The following PCDH11X variants were observed in gnomAD, a reference collection of about 807,000 sequenced individuals.
PCDH11X encodes protocadherin 11 X-linked.
Under a neutral mutation model 53.3 loss-of-function variants are expected in PCDH11X, and 18 were observed. That is an observed-to-expected ratio of 0.34 (90% CI 0.23 to 0.50). PCDH11X has a LOEUF of 0.50. PCDH11X is among the 20% of genes least tolerant of loss of function. PCDH11X has a pLI of 0.98. For synonymous variants in PCDH11X, 279 were observed against 393.3 expected (o/e 0.71, Z 3.44); for missense variants, 570 against 1,032.4 (o/e 0.55, Z 6.14).
In PCDH11X at chrX:92,114,226, C is replaced by T. The variant is rs2064586487; in HGVS notation, c.3034-87149C>T. On this transcript the variant is annotated intron_variant, in intron 6 of 10. Transcript: ENST00000682573. ...GGCAAATGTGGCCATTTTCCCAGTCCCAGATCAGGCTTGAGCGATTACATT... is the reference window on the plus strand; with the variant it reads ...GGCAAATGTGGCCATTTTCCCAGTCTCAGATCAGGCTTGAGCGATTACATT... The T allele has an allele frequency of 1.8e-5, 19 of 1,034,911 alleles. No individual in the cohort carries two copies. In the Admixed American group the frequency reaches 3.9e-4, roughly 21 times the overall value. The allele number at this position is 1,034,911 out of a possible 1,213,427, so 85.3% of individuals were successfully genotyped here.
At chrX:92,553,098 A>G (rs1468728962) in intron 10 of PCDH11X, among the ~76,000 whole-genome samples, 1 of 106,978 alleles carries the variant, frequency 9.3e-6, no homozygotes, top group Admixed American at 1.0e-4. Context: ...AATGAATTTG[A>G]AAGTATTCCA....
intron 6 of PCDH11X, among the ~76,000 whole-genome samples, chrX:92,080,414 G>A (rs1472134031): frequency 9.0e-6 from 1 of 111,180 alleles, no homozygotes; most frequent in African/African-American, 3.3e-5. Flanking sequence ...TACTCGGAAT[G>A]TATAAAAATT....
intron 4 of PCDH11X, among the ~76,000 whole-genome samples, chrX:91,827,098 C>T (rs752688751): frequency 9.0e-6 from 1 of 111,617 alleles, no homozygotes; most frequent in South Asian, 3.8e-4. Flanking sequence ...AAAGTATTCT[C>T]TTTTGTCTGC....
At chrX:91,948,543 A>C (rs1450349255) in intron 6 of PCDH11X, among the ~76,000 whole-genome samples, 1 of 110,863 alleles carries the variant, frequency 9.0e-6, no homozygotes, top group Non-Finnish European at 1.9e-5. Context: ...TCTGTCCTAC[A>C]CTAAGATGTT....
At chrX:92,433,954 T>C (rs745501611) in intron 9 of PCDH11X, among the ~76,000 whole-genome samples, 28 of 110,254 alleles carry the variant, frequency 2.5e-4, no homozygotes, top group Non-Finnish European at 4.9e-4. Context: ...ATAAGCAGAA[T>C]ACCAAAAGCA....
rs776571703 is a variant in PCDH11X, at chrX:92,512,535, A to C, written c.3367+44213A>C. 6.3e-5 allele frequency among the ~76,000 whole-genome samples: 7 copies of C among 111,727 alleles called. No homozygotes were observed. In the South Asian group the frequency reaches 2.2e-3, roughly 35 times the overall value. ...GTTTCTCCTAAGAAGTAAATTATTT[A>C]GCTAGGAGGAAATTACTAGAAGGAT... On this transcript the variant is annotated intron_variant, in intron 10 of 10. Transcript: ENST00000682573.
At chrX:92,398,195 T>C (rs1308177569) in intron 9 of PCDH11X, among the ~76,000 whole-genome samples, 1 of 111,295 alleles carries the variant, frequency 9.0e-6, no homozygotes, top group East Asian at 2.8e-4. Flanking sequence ...CTTTGGCAAA[T>C]ATCCCCTCAG....
rs764288719 is a variant in PCDH11X, at chrX:91,877,846, T to A, written c.1606T>A (p.Tyr536Asn). 8.3e-7 allele frequency: 1 copy of A among 1,209,723 alleles called. No individual in the cohort carries two copies. Among genetic ancestry groups the A allele is most frequent in the Non-Finnish European group, 1.1e-6 (1 of 895,130 alleles). ...KKLDREKEDK[Y>N]LFTILAKDNG... ...ACTAGATAGAGAAAAAGAGGATAAA[T>A]ATTTATTCACAATTCTGGCAAAAGA... The change falls in exon 6 of 11, where the codon TAT (tyrosine) becomes AAT (asparagine). Residue 536 changes from tyrosine to asparagine, a missense_variant. Coordinates refer to ENST00000682573, the MANE Select transcript of PCDH11X (RefSeq NM_032968.5).
At chrX:91,992,939 G>A (rs1269779709) in intron 6 of PCDH11X, among the ~76,000 whole-genome samples, 1 of 111,156 alleles carries the variant, frequency 9.0e-6, no homozygotes, top group Non-Finnish European at 1.9e-5. Flanking sequence ...GTGTAGTTTG[G>A]GGCAGAGTTT....
At chrX:92,609,430 T>C (rs1417761014) in intron 10 of PCDH11X, among the ~76,000 whole-genome samples, 1 of 111,466 alleles carries the variant, frequency 9.0e-6, no homozygotes, top group African/African-American at 3.3e-5. Flanking sequence ...ATTTTTAGTT[T>C]GTTCTTTTAA....
chrX:91,910,774 T>A (rs938630441), intron 6 of PCDH11X, among the ~76,000 whole-genome samples: 4 of 111,832 alleles, frequency 3.6e-5, no homozygotes, highest in Non-Finnish European at 7.5e-5. Context: ...TCGTTTTCTG[T>A]GAAAGTATCT....
At chrX:92,382,828 T>C (rs2070909555) in intron 8 of PCDH11X, among the ~76,000 whole-genome samples, 1 of 104,834 alleles carries the variant, frequency 9.5e-6, no homozygotes, top group South Asian at 4.1e-4. Context: ...TTTTAATTTC[T>C]GTGTCACAAC....
intron 4 of PCDH11X, among the ~76,000 whole-genome samples, chrX:91,818,344 T>C (rs1006784928): frequency 9.2e-6 from 1 of 109,015 alleles, no homozygotes; most frequent in African/African-American, 3.5e-5. Context: ...TAAATAAAAA[T>C]AACAATAACC....
chrX:92,606,179 C>A (rs1361551009), intron 10 of PCDH11X, among the ~76,000 whole-genome samples: 1 of 82,068 alleles, frequency 1.2e-5, no homozygotes, highest in Non-Finnish European at 2.2e-5. Flanking sequence ...TGCAGTGAGC[C>A]GGAGATCGTG....
At chrX:92,118,898 C>T (rs12859340) in intron 6 of PCDH11X, among the ~76,000 whole-genome samples, 26 of 105,333 alleles carry the variant, frequency 2.5e-4, no homozygotes, top group Non-Finnish European at 3.5e-4. Flanking sequence ...CCCGCCACCA[C>T]GCCCAGCTAA....
chrX:92,270,103 CTTCCTTTTCT>C (rs2067918651), intron 8 of PCDH11X, among the ~76,000 whole-genome samples: 1 of 103,504 alleles, frequency 9.7e-6, no homozygotes, highest in East Asian at 3.3e-4. Context: ...CAATTCCTAG[CTTCCTTTTCT>C]TTTTTTTTTT....
intron 1 of PCDH11X, among the ~76,000 whole-genome samples, chrX:91,785,210 C>T (rs1361296938): frequency 9.7e-6 from 1 of 102,824 alleles, no homozygotes; most frequent in Admixed American, 1.1e-4. Flanking sequence ...TTATTCCCTC[C>T]TCCCCCCCTC....
intron 6 of PCDH11X, among the ~76,000 whole-genome samples, chrX:92,053,060 A>C (rs2063389642): frequency 8.9e-6 from 1 of 112,026 alleles, no homozygotes; most frequent in Non-Finnish European, 1.9e-5. Context: ...TTTTATTCAC[A>C]GTTCTTATTT....
intron 4 of PCDH11X, among the ~76,000 whole-genome samples, chrX:91,830,632 G>A (rs1186895948): frequency 9.0e-6 from 1 of 110,873 alleles, no homozygotes; most frequent in Non-Finnish European, 1.9e-5. Flanking sequence ...TACCCAGGCT[G>A]TGAAAGAAGC....
Sources: gnomAD v4.1 joint callset for allele counts (sites outside exome capture counted in the v4.1 genomes callset) on GRCh38, gnomAD v4.1.1 for gene constraint, MANE v1.5 for transcripts, NCBI Gene and HGNC (gene_info 2026-07-23, HGNC 2026-07-21) for gene names.